Variants in XIRP2 observed in about 807,000 individuals in gnomAD.
XIRP2 encodes the protein xin actin-binding repeat-containing protein 2.
Under a neutral mutation model 277.0 loss-of-function variants are expected in XIRP2, and 236 were observed. That is an observed-to-expected ratio of 0.85 (90% CI 0.77 to 0.95). The LOEUF (loss-of-function observed/expected upper bound fraction) is 0.95. Ranked by LOEUF, XIRP2 falls within the 40% of genes least tolerant of loss-of-function variation. The probability of loss-of-function intolerance (pLI) is 0.00; values close to 1 mark genes in which losing one functional copy is unlikely to be tolerated. For synonymous variants in XIRP2, 1,490 were observed against 1,416.5 expected, an observed-to-expected ratio of 1.05 and a Z score of -1.17; for missense variants, 4,640 against 4,157.5, an observed-to-expected ratio of 1.12 and a Z score of -3.19.
intron 3 of XIRP2, among the ~76,000 whole-genome samples, chr2:167,199,533 T>C (rs1024956367): frequency 2.6e-5 from 4 of 152,208 alleles, no homozygotes. Flanking sequence ...GATTTTAAGC[T>C]AGTATGCACA....
Position 167,258,966 on chromosome 2 carries a change from TA to T in XIRP2, c.*1152del. On this transcript the variant is annotated 3_prime_UTR_variant, in exon 11 of 11. Coordinates refer to ENST00000409195, the MANE Select transcript of XIRP2 (RefSeq NM_152381.6). ...CCAAGCCTCAGCAGAGGCCTTATGGTAAAGGGGGGAAGTTCAATCATCTCTC... is the reference window on the plus strand; with the variant it reads ...CCAAGCCTCAGCAGAGGCCTTATGGTAAGGGGGGAAGTTCAATCATCTCTC... The T allele has an allele frequency of 6.2e-7, 1 of 1,612,268 alleles. No homozygotes were observed. The highest frequency in any genetic ancestry group is 8.5e-7 in the Non-Finnish European group (1 of 1,179,172).
intron 10 of XIRP2, among the ~76,000 whole-genome samples, chr2:167,257,320 T>A (rs1053789935): frequency 6.6e-6 from 1 of 151,962 alleles, no homozygotes; most frequent in African/African-American, 2.4e-5. Flanking sequence ...TTGATGTATC[T>A]GTTTTTATGT....
At chr2:167,141,327 G>A (rs546188391) in intron 3 of XIRP2, among the ~76,000 whole-genome samples, 1 of 152,100 alleles carries the variant, frequency 6.6e-6, no homozygotes, top group South Asian at 2.1e-4. Flanking sequence ...GCCTATTTGT[G>A]GCAGGAACTA....
intron 2 of XIRP2, among the ~76,000 whole-genome samples, chr2:167,058,949 C>T (rs2105237264): frequency 6.6e-6 from 1 of 152,098 alleles, no homozygotes; most frequent in East Asian, 1.9e-4. Flanking sequence ...GCTGAGCTTA[C>T]TTACATTTAC....
Position 167,244,444 on chromosome 2 carries a change from A to C in XIRP2, c.3052A>C (p.Arg1018=), listed in dbSNP as rs2105436324. 1.9e-6 allele frequency: 3 copies of C among 1,613,846 alleles called. No individual in the cohort carries two copies. The highest frequency in any genetic ancestry group is 2.5e-6 in the Non-Finnish European group (3 of 1,179,828). The change falls in exon 9 of 11, where the codon AGG becomes CGG. Residue 1018 remains arginine, a synonymous_variant. Coordinates refer to ENST00000409195, the MANE Select transcript of XIRP2 (RefSeq NM_152381.6). ...CGTAAGAGGTGATGTAAGAAGCTGTAGGTGGCTTTTTGAAACAAGGCCCAT... is the reference window on the plus strand; with the variant it reads ...CGTAAGAGGTGATGTAAGAAGCTGTCGGTGGCTTTTTGAAACAAGGCCCAT... ...EIVRGDVRSC[R]WLFETRPIDQ...
At chr2:167,026,146 G>A (rs1265586505) in intron 2 of XIRP2, among the ~76,000 whole-genome samples, 2 of 152,070 alleles carry the variant, frequency 1.3e-5, no homozygotes, top group African/African-American at 4.8e-5. Context: ...CTCCTGTATT[G>A]GGTGCATATA....
In XIRP2 at chr2:167,245,326, T is replaced by C; in HGVS notation, c.3934T>C (p.Tyr1312His). Residue 1312 changes from tyrosine to histidine, a missense_variant, in exon 9 of 11, where the codon TAC becomes CAC. By Grantham distance (83) the Tyr-to-His change is moderately conservative. Transcript: ENST00000409195. ...AGTAATACAGGGTGATGTAAAAAGC[T>C]ACAGAATGCTCTTTGAAACCCAGCC... ...EEVIQGDVKS[Y>H]RMLFETQPLY... 1 of 1,613,628 alleles carries C rather than the reference T, an allele frequency of 6.2e-7. No homozygotes were observed. Among genetic ancestry groups the C allele is most frequent in the Non-Finnish European group, 8.5e-7 (1 of 1,179,714 alleles).
intron 3 of XIRP2, among the ~76,000 whole-genome samples, chr2:167,146,566 A>G (rs1391766726): frequency 1.3e-5 from 2 of 152,128 alleles, no homozygotes; most frequent in Non-Finnish European, 2.9e-5. Flanking sequence ...GCAGAGTAAT[A>G]AATTTATGCA....
At chr2:166,997,356 C>CT (rs1228556959) in intron 2 of XIRP2, among the ~76,000 whole-genome samples, 1 of 152,114 alleles carries the variant, frequency 6.6e-6, no homozygotes, top group Non-Finnish European at 1.5e-5. Flanking sequence ...CCAAATTATA[C>CT]TTTAAGATCA....
intron 2 of XIRP2, among the ~76,000 whole-genome samples, chr2:166,947,496 A>C (rs541855669): frequency 6.6e-6 from 1 of 152,198 alleles, no homozygotes. Flanking sequence ...AAAGAAATAA[A>C]AAGACATTTT....
At chr2:167,035,045 T>C (rs200173904) in intron 2 of XIRP2, among the ~76,000 whole-genome samples, 1 of 152,182 alleles carries the variant, frequency 6.6e-6, no homozygotes, top group Non-Finnish European at 1.5e-5. Flanking sequence ...ATGCAAGAAG[T>C]GTCTTTTGCC....
intron 2 of XIRP2, among the ~76,000 whole-genome samples, chr2:167,008,994 A>G (rs115299477): frequency 0.013 from 2,023 of 151,534 alleles, 22 homozygotes; most frequent in Non-Finnish European, 0.021. Context: ...AAATATTTTA[A>G]GAGATTAATT....
chr2:167,143,505 A>G (rs892544209), intron 3 of XIRP2, among the ~76,000 whole-genome samples: 16 of 152,168 alleles, frequency 1.1e-4, no homozygotes, highest in Non-Finnish European at 1.9e-4. Flanking sequence ...AGCAATTTGG[A>G]AGAAAATAGG....
chr2:167,156,421 C>A (rs944167699), intron 3 of XIRP2, among the ~76,000 whole-genome samples: 2 of 152,126 alleles, frequency 1.3e-5, no homozygotes, highest in South Asian at 4.1e-4. Context: ...GTTTTAACAG[C>A]AATTTAAAAC....
intron 2 of XIRP2, among the ~76,000 whole-genome samples, chr2:166,925,571 GTA>G (rs1185867371): frequency 3.7e-5 from 5 of 135,168 alleles, no homozygotes; most frequent in Admixed American, 1.6e-4. Flanking sequence ...GTGTGTGTAT[GTA>G]TGTGTGTGTG....
At chr2:167,108,906 A>T (rs1318628438) in intron 2 of XIRP2, among the ~76,000 whole-genome samples, 1 of 151,914 alleles carries the variant, frequency 6.6e-6, no homozygotes, top group East Asian at 1.9e-4. Flanking sequence ...TACATGCATA[A>T]GTTTGTTAAA....
chr2:166,917,651 A>AG lies in XIRP2; in HGVS notation c.408+13763dup, dbSNP rs546039000. Reference sequence around the variant, plus strand: ...AAAAAAAAAAGCCAGTAACCATACAAGGATGTTAAGCAATATTGACTTGCC... The same window carrying AG: ...AAAAAAAAAAGCCAGTAACCATACAAGGGATGTTAAGCAATATTGACTTGCC... On this transcript the variant is annotated intron_variant, in intron 2 of 10. Coordinates refer to ENST00000409195, the MANE Select transcript of XIRP2 (RefSeq NM_152381.6). Among the ~76,000 whole-genome samples, 10 of 152,206 alleles carry AG rather than the reference A, an allele frequency of 6.6e-5. 1 individual carries two copies. The South Asian group carries it at 1.9e-3, about 28-fold the overall frequency.
chr2:167,106,630 A>G (rs1332729723), intron 2 of XIRP2, among the ~76,000 whole-genome samples: 1 of 151,558 alleles, frequency 6.6e-6, no homozygotes, highest in African/African-American at 2.4e-5. Flanking sequence ...ATTCCTCCCA[A>G]TTACTTTATT....
chr2:166,986,059 C>G (rs1032892181), intron 2 of XIRP2, among the ~76,000 whole-genome samples: 7 of 152,138 alleles, frequency 4.6e-5, no homozygotes, highest in Non-Finnish European at 1.0e-4. Flanking sequence ...GAGAGAGTAC[C>G]GTGCTTTGCA....
Sources: allele counts gnomAD v4.1 joint callset (sites outside exome capture counted in the v4.1 genomes callset), GRCh38; gene constraint gnomAD v4.1.1; transcripts MANE v1.5; gene names NCBI Gene and HGNC (gene_info 2026-07-23, HGNC 2026-07-21).